Variants in CCDC146 observed in about 807,000 individuals in gnomAD.
CCDC146 encodes coiled-coil domain-containing protein 146.
CCDC146 carries 92 observed loss-of-function variants against 119.3 expected under a neutral mutation model. The observed-to-expected ratio is 0.77, with a 90% CI of 0.65 to 0.92. CCDC146 has a LOEUF of 0.92. Ranked by LOEUF, CCDC146 falls within the 40% of genes least tolerant of loss-of-function variation. CCDC146 has a pLI of 0.00. For synonymous variants in CCDC146, 372 were observed against 371.8 expected (o/e 1.00, Z -0.01); for missense variants, 1,000 against 1,103.0 (o/e 0.91, Z 1.32).
At chr7:77,208,996 A>G (rs1792129168) in intron 2 of CCDC146, among the ~76,000 whole-genome samples, 1 of 152,182 alleles carries the variant, frequency 6.6e-6, no homozygotes, top group Admixed American at 6.5e-5. Flanking sequence ...CTGGGCAGGG[A>G]CACAAAGCCA....
chr7:77,211,196 C>T (rs113663185), intron 2 of CCDC146, among the ~76,000 whole-genome samples: 1,956 of 152,258 alleles, frequency 0.013, 53 homozygotes, highest in African/African-American at 0.044. Flanking sequence ...TCTAACATAG[C>T]GACTATCCTA....
intron 1 of CCDC146, among the ~76,000 whole-genome samples, chr7:77,159,495 T>C (rs1361196158): frequency 6.6e-6 from 1 of 152,176 alleles, no homozygotes; most frequent in Non-Finnish European, 1.5e-5. Context: ...AAATGTTCCA[T>C]TGTATACATA....
chr7:77,202,951 G>T (rs1792019196), intron 2 of CCDC146, among the ~76,000 whole-genome samples: 1 of 151,602 alleles, frequency 6.6e-6, no homozygotes, highest in Non-Finnish European at 1.5e-5. Context: ...TGAGAACTAT[G>T]TGGAGAGCCT....
chr7:77,167,212 A>G (rs972749074), intron 1 of CCDC146, among the ~76,000 whole-genome samples: 2 of 152,164 alleles, frequency 1.3e-5, no homozygotes, highest in African/African-American at 2.4e-5. Context: ...GTAAATTACA[A>G]TACACTGTTT....
At chr7:77,169,803 A>C (rs903200049) in intron 2 of CCDC146, among the ~76,000 whole-genome samples, 1 of 152,150 alleles carries the variant, frequency 6.6e-6, no homozygotes, top group Non-Finnish European at 1.5e-5. Context: ...CCAGCCCTAG[A>C]ATCAGCCATT....
chr7:77,172,691 C>T (rs1170908995), intron 2 of CCDC146, among the ~76,000 whole-genome samples: 13 of 152,152 alleles, frequency 8.5e-5, no homozygotes, highest in Non-Finnish European at 1.6e-4. Context: ...AGCAGGGACT[C>T]TCCCATATTT....
intron 1 of CCDC146, among the ~76,000 whole-genome samples, chr7:77,167,309 AG>A (rs1224004220): frequency 6.6e-6 from 1 of 152,116 alleles, no homozygotes; most frequent in African/African-American, 2.4e-5. Flanking sequence ...ATAGCTGGAG[AG>A]GTTTCTGGCT....
intron 2 of CCDC146, among the ~76,000 whole-genome samples, chr7:77,172,774 C>T (rs1791441657): frequency 1.3e-5 from 2 of 152,246 alleles, no homozygotes; most frequent in South Asian, 2.1e-4. Context: ...CATGGCTATC[C>T]ACCAATCTGC....
intron 2 of CCDC146, among the ~76,000 whole-genome samples, chr7:77,231,440 G>C (rs983511575): frequency 7.2e-5 from 11 of 152,164 alleles, no homozygotes; most frequent in African/African-American, 2.7e-4. Flanking sequence ...TTTGTGCCTA[G>C]CATAAATGGG....
intron 2 of CCDC146, among the ~76,000 whole-genome samples, chr7:77,186,310 A>G (rs1791666108): frequency 6.6e-6 from 1 of 152,176 alleles, no homozygotes; most frequent in Admixed American, 6.6e-5. Context: ...ATACAGCCAT[A>G]AAAAATAATG....
intron 2 of CCDC146, among the ~76,000 whole-genome samples, chr7:77,228,317 A>G (rs1280321914): frequency 6.6e-6 from 1 of 151,504 alleles, no homozygotes; most frequent in African/African-American, 2.4e-5. Flanking sequence ...CCTCCCTTCC[A>G]CCCTCTGACA....
intron 16 of CCDC146, chr7:77,287,142 C>T: frequency 6.2e-6 from 4 of 640,850 alleles, no homozygotes; most frequent in South Asian, 4.1e-5. Flanking sequence ...ATTCCAAAGG[C>T]ACATTTCTCT....
chr7:77,174,682 G>C (rs1287351799), intron 2 of CCDC146, among the ~76,000 whole-genome samples: 3 of 152,144 alleles, frequency 2.0e-5, no homozygotes, highest in Non-Finnish European at 4.4e-5. Flanking sequence ...CCTCAATTTG[G>C]TGTGATGTCC....
In CCDC146 at chr7:77,262,327, A is replaced by C. The variant is rs780961681; in HGVS notation, c.1173+20A>C. The C allele has an allele frequency of 5.3e-6, 8 of 1,504,998 alleles. No individual in the cohort carries two copies. Among genetic ancestry groups the C allele is most frequent in the Non-Finnish European group, 7.1e-6 (8 of 1,123,162 alleles). The allele number at this position is 1,504,998 out of a possible 1,614,324, so 93.2% of individuals were successfully genotyped here. A position where few individuals can be genotyped will look rare whatever the true frequency, so the allele number is the denominator to read the frequency against. ...TTAGAGGTGAGGGCTGTAAACTACC[A>C]TCTGATTTTTAAGCTCGGTGCTAAC... On this transcript the variant is annotated intron_variant, in intron 9 of 18. Transcript: ENST00000285871.
chr7:77,256,542 T>C, intron 6 of CCDC146, 33 bp downstream of exon 6: 1 of 1,544,198 alleles, frequency 6.5e-7, no homozygotes, highest in Non-Finnish European at 8.8e-7. Context: ...TTAAACATTG[T>C]GCCTTGCATG....
chr7:77,211,067 A>G (rs183361355), intron 2 of CCDC146, among the ~76,000 whole-genome samples: 1 of 152,238 alleles, frequency 6.6e-6, no homozygotes, highest in Non-Finnish European at 1.5e-5. Context: ...GAAGTATATT[A>G]GATATACATT....
In CCDC146 at chr7:77,280,486, G is replaced by A. The variant is rs773793573; in HGVS notation, c.1752G>A (p.Met584Ile). ...ACAATGTTACCATCAGAGAGAGCAT[G>A]CAAAACGATGTGCGCAAAATTGTAT... ...HANNVTIRES[M>I]QNDVRKIVSK... Residue 584 changes from methionine (M) to isoleucine (I), a missense_variant, in exon 14 of 19, where the codon ATG becomes ATA. Transcript: ENST00000285871. 5.6e-6 allele frequency: 9 copies of A among 1,614,164 alleles called. No homozygotes were observed. Among genetic ancestry groups the A allele is most frequent in the African/African-American group, 1.3e-5 (1 of 75,046 alleles).
intron 1 of CCDC146, among the ~76,000 whole-genome samples, chr7:77,149,707 G>A (rs1392102966): frequency 6.6e-6 from 1 of 151,774 alleles, no homozygotes; most frequent in Admixed American, 6.6e-5. Flanking sequence ...AGAGGTTGCA[G>A]TGAGCCCCGA....
In CCDC146 at chr7:77,293,141, T is replaced by C; in HGVS notation, c.2605T>C (p.Trp869Arg). The stretch of plus-strand genomic sequence containing the variant: ...ACTCAATAAGGAAATTGAGAAAGAA[T>C]GGTTGAAAGTCCTTCGAGATGAAGA... ...LPLNKEIEKE[W>R]LKVLRDEEMH... The change falls in exon 18 of 19, where the codon TGG (tryptophan) becomes CGG (arginine). Residue 869 changes from tryptophan to arginine, a missense_variant. Trp to Arg is a moderately radical substitution (Grantham distance 101, BLOSUM62 -3). Coordinates refer to ENST00000285871, the MANE Select transcript of CCDC146 (RefSeq NM_020879.3). The C allele has an allele frequency of 6.2e-7, 1 of 1,614,158 alleles. No homozygotes were observed. The highest frequency in any genetic ancestry group is 8.5e-7 in the Non-Finnish European group (1 of 1,180,012).
Sources: allele counts gnomAD v4.1 joint callset (sites outside exome capture counted in the v4.1 genomes callset), GRCh38; gene constraint gnomAD v4.1.1; transcripts MANE v1.5; gene names NCBI Gene and HGNC (gene_info 2026-07-23, HGNC 2026-07-21).